CWH43: variants seen among roughly 807,000 people sequenced by gnomAD.
The protein encoded by CWH43 is PGAP2-interacting protein.
Under a neutral mutation model 85.7 loss-of-function variants are expected in CWH43, and 91 were observed. That is an observed-to-expected ratio of 1.06 (90% confidence interval 0.90 to 1.26). The LOEUF (loss-of-function observed/expected upper bound fraction) is 1.26, where lower values mean the gene tolerates loss of function less well. CWH43 is among the 50% of genes most tolerant of loss of function. The probability of loss-of-function intolerance (pLI) is 0.00; values close to 1 mark genes in which losing one functional copy is unlikely to be tolerated. For missense variants in CWH43, 869 were observed against 839.2 expected (o/e 1.04, Z -0.44); for synonymous variants, 323 against 293.6 (o/e 1.10, Z -1.02).
chr4:49,023,489 C>T lies in CWH43; in HGVS notation c.1267-5140C>T, dbSNP rs531089992. Among the ~76,000 whole-genome samples, 8 of 152,282 alleles carry T rather than the reference C, an allele frequency of 5.3e-5. No homozygotes were observed. The South Asian group carries it at 1.4e-3, about 28-fold the overall frequency. ...TCCCAGGTTCAAGTGATTCTCCTGCCTCACCCTCCCAAGTAGCTGGGATTA... is the reference window on the plus strand; with the variant it reads ...TCCCAGGTTCAAGTGATTCTCCTGCTTCACCCTCCCAAGTAGCTGGGATTA... On this transcript the variant is annotated intron_variant, in intron 9 of 15. Transcript: ENST00000226432.
At chr4:49,030,759 T>A (rs909658477) in intron 10 of CWH43, 66 bp from the exon 11 acceptor site, 1 of 1,426,444 alleles carries the variant, frequency 7.0e-7, no homozygotes, top group Non-Finnish European at 9.3e-7. Context: ...AAGAGTAAAG[T>A]GTTGCTAATT....
intron 9 of CWH43, 122 bp from the exon 10 acceptor site, chr4:49,028,507 A>G: frequency 1.6e-6 from 1 of 608,428 alleles, no homozygotes; most frequent in Non-Finnish European, 2.9e-6. Context: ...AATGTGGGAA[A>G]ATGTCTAAGG....
Position 49,038,096 on chromosome 4 carries a change from T to A in CWH43, c.1719T>A (p.Ser573=), listed in dbSNP as rs1345873162. The change falls in exon 13 of 16, where the codon TCT becomes TCA. Residue 573 remains serine, a synonymous_variant. Transcript: ENST00000226432. ...TTTCAAAACTACTGAAAAGTAGCTCTAATCAAGTGATATTTCTGGGATATA... is the reference window on the plus strand; with the variant it reads ...TTTCAAAACTACTGAAAAGTAGCTCAAATCAAGTGATATTTCTGGGATATA... The part of the protein sequence containing the change: ...IAVSKLLKSS[S]NQVIFLGYIT... The A allele has an allele frequency of 6.2e-7, 1 of 1,613,132 alleles. No individual in the cohort carries two copies. Among genetic ancestry groups the A allele is most frequent in the Non-Finnish European group, 8.5e-7 (1 of 1,179,536 alleles).
intron 9 of CWH43, 68 bp downstream of exon 9, chr4:49,017,396 T>C (rs1783587457): frequency 8.5e-7 from 1 of 1,181,496 alleles, no homozygotes; most frequent in East Asian, 2.4e-5. Context: ...TTGTACAATT[T>C]ACCATTCTGA....
intron 10 of CWH43, among the ~76,000 whole-genome samples, chr4:49,030,301 G>A (rs1289492249): frequency 6.6e-6 from 1 of 152,164 alleles, no homozygotes; most frequent in Admixed American, 6.5e-5. Context: ...TTAATGATAA[G>A]CGTGCCTCCT....
chr4:49,060,727 A>C (rs1201625840), intron 15 of CWH43, among the ~76,000 whole-genome samples: 1 of 152,172 alleles, frequency 6.6e-6, no homozygotes, highest in African/African-American at 2.4e-5. Context: ...TGAAATCTTT[A>C]GCTCTTGTGA....
intron 2 of CWH43, 22 bp from the exon 3 acceptor site, chr4:48,991,432 G>T (rs747480246): frequency 6.8e-6 from 11 of 1,613,204 alleles, no homozygotes; most frequent in Non-Finnish European, 8.5e-6. Context: ...GAAATGCTTA[G>T]CTCTCCCTAT....
chr4:49,016,698 T>A, intron 8 of CWH43: 3 of 770,432 alleles, frequency 3.9e-6, no homozygotes, highest in Non-Finnish European at 2.4e-6. Flanking sequence ...TCCATTCACC[T>A]TATCTGTGAT....
At chr4:48,993,827 G>A (rs781713004) in intron 4 of CWH43, among the ~76,000 whole-genome samples, 2 of 152,022 alleles carry the variant, frequency 1.3e-5, no homozygotes, top group Non-Finnish European at 2.9e-5. Context: ...CGATCTCAGC[G>A]CACTGCAACC....
intron 12 of CWH43, 80 bp from the exon 13 acceptor site, chr4:49,037,956 C>G: frequency 7.7e-7 from 1 of 1,292,236 alleles, no homozygotes; most frequent in Non-Finnish European, 1.1e-6. Flanking sequence ...TGCAGATAGT[C>G]TTTGGCAACT....
At chr4:49,061,004 A>G (rs932413755) in intron 15 of CWH43, among the ~76,000 whole-genome samples, 1 of 152,186 alleles carries the variant, frequency 6.6e-6, no homozygotes, top group African/African-American at 2.4e-5. Context: ...TCTTCTTAAA[A>G]TATGTTTTAA....
intron 9 of CWH43, among the ~76,000 whole-genome samples, chr4:49,026,901 C>T (rs942951774): frequency 3.3e-5 from 5 of 152,032 alleles, no homozygotes; most frequent in Non-Finnish European, 7.4e-5. Context: ...TGGGTAGATC[C>T]CCAGTAGTGG....
At chr4:49,046,150 G>T in intron 14 of CWH43, among the ~76,000 whole-genome samples, 1 of 152,066 alleles carries the variant, frequency 6.6e-6, no homozygotes, top group South Asian at 2.1e-4. Flanking sequence ...ATGCATTCTT[G>T]TTGTTAAGTG....
Position 49,060,359 on chromosome 4 carries a change from C to A in CWH43, c.2022-1453C>A, listed in dbSNP as rs190054539. On this transcript the variant is annotated intron_variant, in intron 15 of 15. Coordinates refer to ENST00000226432, the MANE Select transcript of CWH43 (RefSeq NM_025087.3). Reference sequence around the variant, plus strand: ...GAATCTGGGGCTTTTGGGGGTGGCCCGAAACTGATGCCAGTCTGGAGCCTT... The same window carrying A: ...GAATCTGGGGCTTTTGGGGGTGGCCAGAAACTGATGCCAGTCTGGAGCCTT... Among the ~76,000 whole-genome samples, 66 of 152,002 alleles carry A rather than the reference C, an allele frequency of 4.3e-4. 1 individual carries two copies. The East Asian group carries it at 0.012, about 29-fold the overall frequency.
rs748807682 is a variant in CWH43, at chr4:49,039,431, T to TTATATA, written c.1803+1264_1803+1269dup. ...TATATATACTGATATATATATACACTTATATATATATATATATACTATAAT... is the reference window on the plus strand; with the variant it reads ...TATATATACTGATATATATATACACTTATATATATATATATATATATATACTATAAT... On this transcript the variant is annotated intron_variant, in intron 13 of 15. Coordinates refer to ENST00000226432, the MANE Select transcript of CWH43 (RefSeq NM_025087.3). 1.9e-3 allele frequency among the ~76,000 whole-genome samples: 242 copies of TTATATA among 124,134 alleles called. 1 individual carries two copies. Among genetic ancestry groups the TTATATA allele is most frequent in the African/African-American group, 6.8e-3 (226 of 33,004 alleles). The allele number at this position is 124,134 out of a possible 152,430, so 81.4% of individuals were successfully genotyped here.
intron 12 of CWH43, among the ~76,000 whole-genome samples, chr4:49,035,376 A>G (rs533995809): frequency 6.6e-6 from 1 of 152,370 alleles, no homozygotes; most frequent in Non-Finnish European, 1.5e-5. Flanking sequence ...GAAGTCACTC[A>G]GGCAAACACC....
intron 7 of CWH43, 73 bp downstream of exon 7, chr4:49,004,065 A>G: frequency 7.7e-7 from 1 of 1,305,408 alleles, no homozygotes; most frequent in Non-Finnish European, 1.0e-6. Flanking sequence ...AGGATTTAGC[A>G]CTTTATGTAA....
intron 9 of CWH43, among the ~76,000 whole-genome samples, chr4:49,026,005 G>A (rs542777763): frequency 4.6e-5 from 7 of 152,240 alleles, no homozygotes; most frequent in South Asian, 2.1e-4. Flanking sequence ...TCAGACTCTC[G>A]TTGGGCTGGG....
intron 15 of CWH43, among the ~76,000 whole-genome samples, chr4:49,052,019 T>G (rs1050434697): frequency 2.0e-5 from 3 of 152,234 alleles, no homozygotes; most frequent in African/African-American, 4.8e-5. Flanking sequence ...ATTATTATTA[T>G]TTGACATTTC....
Sources: allele counts gnomAD v4.1 joint callset (sites outside exome capture counted in the v4.1 genomes callset), GRCh38; gene constraint gnomAD v4.1.1; transcripts MANE v1.5; gene names NCBI Gene and HGNC (gene_info 2026-07-23, HGNC 2026-07-21).